Variants in ULK4 observed in about 807,000 individuals in gnomAD.
ULK4 encodes inactive serine/threonine-protein kinase ULK4.
In ULK4, 133 loss-of-function variants were observed where a neutral mutation model predicts 160.6. The observed-to-expected ratio is 0.83, with a 90% CI of 0.72 to 0.96. ULK4 has a LOEUF of 0.96. Among genes scored for constraint, ULK4 ranks in the 40% least tolerant of loss-of-function variants. The probability of loss-of-function intolerance (pLI) is 0.00; values close to 1 mark genes in which losing one functional copy is unlikely to be tolerated. For synonymous variants in ULK4, 534 were observed against 539.8 expected, an observed-to-expected ratio of 0.99 and a Z score of 0.15; for missense variants, 1,580 against 1,499.5, an observed-to-expected ratio of 1.05 and a Z score of -0.89.
intron 32 of ULK4, among the ~76,000 whole-genome samples, chr3:41,494,866 C>G (rs1559647930): frequency 6.6e-6 from 1 of 152,102 alleles, no homozygotes. Flanking sequence ...AGGAATCCAA[C>G]TCACAAGGGA....
intron 11 of ULK4, among the ~76,000 whole-genome samples, chr3:41,910,394 GAC>G (rs1698738320): frequency 6.6e-6 from 1 of 152,030 alleles, no homozygotes; most frequent in South Asian, 2.1e-4. Flanking sequence ...AGGAGTTCAA[GAC>G]AAGCCTGGCC....
intron 17 of ULK4, among the ~76,000 whole-genome samples, chr3:41,871,828 A>T (rs902796649): frequency 6.6e-6 from 1 of 152,024 alleles, no homozygotes; most frequent in African/African-American, 2.4e-5. Flanking sequence ...CAATGTTTTT[A>T]ATTTTGATGA....
intron 32 of ULK4, among the ~76,000 whole-genome samples, chr3:41,544,666 T>G (rs772789960): frequency 6.6e-6 from 1 of 152,184 alleles, no homozygotes; most frequent in African/African-American, 2.4e-5. Context: ...TGACAATGAT[T>G]GTTTGCTATA....
intron 29 of ULK4, among the ~76,000 whole-genome samples, chr3:41,670,929 G>A (rs568153266): frequency 4.6e-5 from 7 of 151,982 alleles, no homozygotes; most frequent in South Asian, 4.2e-4. Flanking sequence ...TTTACATTTC[G>A]GTAGTTTGTA....
chr3:41,686,881 T>C (rs537781729), intron 27 of ULK4, among the ~76,000 whole-genome samples: 5 of 152,230 alleles, frequency 3.3e-5, no homozygotes, highest in African/African-American at 1.2e-4. Context: ...CATACAGTTT[T>C]CTAAAGAACT....
At chr3:41,900,584 G>T in intron 13 of ULK4, 141 bp downstream of exon 13, 1 of 666,186 alleles carries the variant, frequency 1.5e-6, no homozygotes, top group Non-Finnish European at 2.5e-6. Flanking sequence ...TGCAAATGCA[G>T]ACATGCAGCA....
chr3:41,773,930 T>C (rs1186303849), intron 21 of ULK4, among the ~76,000 whole-genome samples: 4 of 152,250 alleles, frequency 2.6e-5, no homozygotes, highest in Middle Eastern at 3.4e-3. Context: ...TATCTACAAC[T>C]ATCTGATCTT....
At chr3:41,576,108 T>C (rs75918731) in intron 31 of ULK4, among the ~76,000 whole-genome samples, 358 of 152,240 alleles carry the variant, frequency 2.4e-3, no homozygotes, top group East Asian at 0.013. Flanking sequence ...GGAGGACAAA[T>C]GAAAAAATAG....
chr3:41,405,759 T>C (rs2082281101), intron 34 of ULK4, among the ~76,000 whole-genome samples: 1 of 152,212 alleles, frequency 6.6e-6, no homozygotes, highest in Admixed American at 6.5e-5. Context: ...CTTGGCCGCT[T>C]GTATGTCTTC....
chr3:41,758,644 G>C (rs1398631383), intron 21 of ULK4, among the ~76,000 whole-genome samples: 2 of 152,156 alleles, frequency 1.3e-5, no homozygotes, highest in African/African-American at 4.8e-5. Context: ...CCAGCACTTT[G>C]GGAGGCCGAA....
chr3:41,337,130 T>C (rs749932), intron 35 of ULK4, among the ~76,000 whole-genome samples: 85,125 of 151,968 alleles, frequency 0.56, 25,851 homozygotes, highest in African/African-American at 0.82. Flanking sequence ...ATTCAGGTCT[T>C]AGATCCAGGT....
chr3:41,774,436 A>G (rs944107895), intron 21 of ULK4, among the ~76,000 whole-genome samples: 4 of 150,706 alleles, frequency 2.7e-5, no homozygotes, highest in Non-Finnish European at 4.4e-5. Flanking sequence ...ACTTCTCAAA[A>G]GAAGACATTT....
chr3:41,940,568 G>A (rs1276400044), intron 2 of ULK4, among the ~76,000 whole-genome samples: 2 of 152,106 alleles, frequency 1.3e-5, no homozygotes, highest in African/African-American at 4.8e-5. Flanking sequence ...TGAGGCAGGA[G>A]GATAGCTGGA....
intron 32 of ULK4, among the ~76,000 whole-genome samples, chr3:41,488,462 G>C (rs2084626131): frequency 6.6e-6 from 1 of 152,144 alleles, no homozygotes. Flanking sequence ...TCATCTCTGG[G>C]AATCAGTTTA....
At chr3:41,834,267 C>T (rs1298144371) in intron 18 of ULK4, among the ~76,000 whole-genome samples, 6 of 151,754 alleles carry the variant, frequency 4.0e-5, no homozygotes, top group Admixed American at 3.9e-4. Context: ...AAAAGAATTG[C>T]AACAAAATTT....
intron 32 of ULK4, among the ~76,000 whole-genome samples, chr3:41,564,026 G>C (rs1575420499): frequency 6.6e-6 from 1 of 152,120 alleles, no homozygotes; most frequent in Admixed American, 6.6e-5. Context: ...TGATATTGGT[G>C]ACCTATAGAT....
chr3:41,410,188 A>G (rs2082382851), intron 34 of ULK4, among the ~76,000 whole-genome samples: 1 of 152,192 alleles, frequency 6.6e-6, no homozygotes, highest in African/African-American at 2.4e-5. Context: ...TATATACTGA[A>G]AAAAAGAAAG....
intron 35 of ULK4, among the ~76,000 whole-genome samples, chr3:41,261,573 C>G (rs1275449213): frequency 6.6e-6 from 1 of 152,194 alleles, no homozygotes; most frequent in Non-Finnish European, 1.5e-5. Flanking sequence ...GCCCCACTGC[C>G]TACATGTTGT....
At chr3:41,831,266 T>C (rs2041572592) in intron 18 of ULK4, among the ~76,000 whole-genome samples, 1 of 151,802 alleles carries the variant, frequency 6.6e-6, no homozygotes, top group African/African-American at 2.4e-5. Flanking sequence ...GCTCAAGAGA[T>C]CCTCCTGCCT....
Sources: gnomAD v4.1 joint callset for allele counts (sites outside exome capture counted in the v4.1 genomes callset) on GRCh38, gnomAD v4.1.1 for gene constraint, MANE v1.5 for transcripts, NCBI Gene and HGNC (gene_info 2026-07-23, HGNC 2026-07-21) for gene names.